The following ECPAS variants were observed in gnomAD, a reference collection of about 807,000 sequenced individuals.
ECPAS encodes the protein Ecm29 proteasome adaptor and scaffold.
In ECPAS, 70 loss-of-function variants were observed where a neutral mutation model predicts 255.1. The observed-to-expected ratio is 0.27, with a 90% CI of 0.23 to 0.33. The LOEUF (loss-of-function observed/expected upper bound fraction) is 0.33. Among genes scored for constraint, ECPAS ranks in the 10% least tolerant of loss-of-function variants. The probability of loss-of-function intolerance (pLI) is 1.00; values close to 1 mark genes in which losing one functional copy is unlikely to be tolerated. For missense variants in ECPAS, 1,817 were observed against 2,206.4 expected (o/e 0.82, Z 3.54); for synonymous variants, 784 against 775.0 (o/e 1.01, Z -0.19).
intron 5 of ECPAS, among the ~76,000 whole-genome samples, chr9:111,440,801 T>C (rs983677815): frequency 2.0e-5 from 3 of 152,224 alleles, no homozygotes; most frequent in Non-Finnish European, 4.4e-5. Flanking sequence ...AGTGTTAATA[T>C]CTGAAGTTTC....
Position 111,416,322 on chromosome 9 carries a change from A to G in ECPAS, c.1714T>C (p.Tyr572His), listed in dbSNP as rs1415186219. Residue 572 changes from tyrosine (Y) to histidine (H), a missense_variant, in exon 18 of 50, where the codon TAC becomes CAC. Tyr to His is a moderately conservative substitution (Grantham distance 83). Transcript: ENST00000684092. ...ASHRMKTPVK[Y>H]MTGTTVLPFN... The stretch of plus-strand genomic sequence containing the variant: ...GGAAGGACAGTGGTCCCGGTCATGT[A>G]CTTGACTGGAGTTTTCATTCGATGA... The G allele has an allele frequency of 4.3e-6, 7 of 1,613,784 alleles. No homozygotes were observed. Among genetic ancestry groups the G allele is most frequent in the Non-Finnish European group, 5.9e-6 (7 of 1,179,718 alleles).
chr9:111,382,240 G>A (rs1044098611), intron 35 of ECPAS, among the ~76,000 whole-genome samples: 1 of 149,840 alleles, frequency 6.7e-6, no homozygotes, highest in African/African-American at 2.5e-5. Flanking sequence ...TTATTTTACT[G>A]AGGAGAGCAA....
At chr9:111,368,194 G>C (rs973031747) in intron 46 of ECPAS, among the ~76,000 whole-genome samples, 1 of 152,180 alleles carries the variant, frequency 6.6e-6, no homozygotes, top group Non-Finnish European at 1.5e-5. Context: ...TTAAGGCCCT[G>C]TCAGGGGACT....
chr9:111,440,616 G>A, intron 5 of ECPAS, 95 bp from the exon 6 acceptor site: 2 of 972,222 alleles, frequency 2.1e-6, no homozygotes, highest in Non-Finnish European at 3.0e-6. Context: ...AACAAAAACT[G>A]GCAGTTTTAA....
At chr9:111,417,441 T>C (rs888885888) in intron 17 of ECPAS, among the ~76,000 whole-genome samples, 1 of 152,162 alleles carries the variant, frequency 6.6e-6, no homozygotes, top group Non-Finnish European at 1.5e-5. Flanking sequence ...TTGTAAGTAT[T>C]AATGCTAGAA....
chr9:111,422,807 A>G (rs1476162634), intron 13 of ECPAS, among the ~76,000 whole-genome samples: 1 of 152,196 alleles, frequency 6.6e-6, no homozygotes, highest in East Asian at 1.9e-4. Context: ...TGTCAGGGCC[A>G]CTCAGAATCA....
In ECPAS at chr9:111,451,571, A is replaced by C; in HGVS notation, c.23-16T>G. On this transcript the variant is annotated splice_polypyrimidine_tract_variant and intron_variant, in intron 2 of 49. Transcript: ENST00000684092. ...TCAAGCTGATCTATAATATAAAAAG[A>C]AAAAAAGAGAGAACTTAGCAAGCCA... The C allele has an allele frequency of 6.6e-7, 1 of 1,525,434 alleles. No homozygotes were observed. Among genetic ancestry groups the C allele is most frequent in the Non-Finnish European group, 8.7e-7 (1 of 1,143,440 alleles). The allele number at this position is 1,525,434 out of a possible 1,614,324, so 94.5% of individuals were successfully genotyped here. A position where few individuals can be genotyped will look rare whatever the true frequency, so the allele number is the denominator to read the frequency against.
chr9:111,461,813 G>C (rs2098273526), intron 2 of ECPAS, among the ~76,000 whole-genome samples: 1 of 152,216 alleles, frequency 6.6e-6, no homozygotes, highest in South Asian at 2.1e-4. Context: ...GGATAGGGAA[G>C]CCTTTCAATC....
chr9:111,398,661 G>T (rs1415620503), intron 24 of ECPAS, among the ~76,000 whole-genome samples: 1 of 152,192 alleles, frequency 6.6e-6, no homozygotes, highest in Non-Finnish European at 1.5e-5. Flanking sequence ...TTCAGGCCAG[G>T]TGCAGTGGCT....
At chr9:111,390,449 A>G (rs937978556) in intron 29 of ECPAS, among the ~76,000 whole-genome samples, 2 of 152,164 alleles carry the variant, frequency 1.3e-5, no homozygotes, top group African/African-American at 4.8e-5. Context: ...GGAAGACAAC[A>G]TCTGTCTTCC....
chr9:111,375,304 G>T, intron 37 of ECPAS, 102 bp from the exon 38 acceptor site: 3 of 796,088 alleles, frequency 3.8e-6, no homozygotes, highest in South Asian at 2.9e-5. Context: ...AACTGGATTT[G>T]ACATGAAGTT....
chr9:111,475,320 C>T (rs12238412), intron 1 of ECPAS, among the ~76,000 whole-genome samples: 9,764 of 152,282 alleles, frequency 0.064, 468 homozygotes, highest in East Asian at 0.21. Context: ...TCTGAGAACA[C>T]TGGCAGTGAC....
At chr9:111,447,774 TAC>T (rs1297989530) in intron 3 of ECPAS, among the ~76,000 whole-genome samples, 3 of 151,948 alleles carry the variant, frequency 2.0e-5, no homozygotes, top group African/African-American at 7.2e-5. Flanking sequence ...TCAAAATGAT[TAC>T]ATTTATCCTT....
At chr9:111,426,138 T>C (rs1589181096) in intron 10 of ECPAS, among the ~76,000 whole-genome samples, 1 of 152,324 alleles carries the variant, frequency 6.6e-6, no homozygotes, top group South Asian at 2.1e-4. Context: ...CTTAATTATA[T>C]GATTCAGGAC....
intron 7 of ECPAS, 119 bp from the exon 8 acceptor site, chr9:111,433,491 C>G: frequency 1.1e-6 from 1 of 947,556 alleles, no homozygotes; most frequent in African/African-American, 1.6e-5. Context: ...ACAACAGTAG[C>G]AGCTCCTACT....
chr9:111,477,300 G>A (rs1006067470), intron 1 of ECPAS, among the ~76,000 whole-genome samples: 23 of 149,424 alleles, frequency 1.5e-4, no homozygotes, highest in African/African-American at 4.0e-4. Flanking sequence ...TAGTAGAGAC[G>A]GGGGTTTCAT....
intron 38 of ECPAS, 41 bp downstream of exon 38, chr9:111,375,072 T>A (rs1411882734): frequency 1.4e-6 from 2 of 1,417,424 alleles, no homozygotes; most frequent in Admixed American, 3.4e-5. Context: ...TGGCCAGAAC[T>A]AATGAAGATG....
chr9:111,383,721 G>C (rs2098143522), intron 34 of ECPAS, among the ~76,000 whole-genome samples: 1 of 152,088 alleles, frequency 6.6e-6, no homozygotes, highest in Non-Finnish European at 1.5e-5. Context: ...AGGAGTTTGA[G>C]ACCAGCCTGG....
At chr9:111,441,164 T>TAAAAATAA (rs1335273248) in intron 5 of ECPAS, among the ~76,000 whole-genome samples, 1 of 129,986 alleles carries the variant, frequency 7.7e-6, no homozygotes, top group Non-Finnish European at 1.7e-5. Flanking sequence ...AAAACAAAAA[T>TAAAAATAA]AAAAATAAAA....
Sources: allele counts gnomAD v4.1 joint callset (sites outside exome capture counted in the v4.1 genomes callset), GRCh38; gene constraint gnomAD v4.1.1; transcripts MANE v1.5; gene names NCBI Gene and HGNC (gene_info 2026-07-23, HGNC 2026-07-21).